The following SMAD3 variants were observed in gnomAD, a reference collection of about 807,000 sequenced individuals.
SMAD3 encodes SMAD family member 3, also known as MAD homolog 3.
Under a neutral mutation model 51.8 loss-of-function variants are expected in SMAD3, and 12 were observed. That is an observed-to-expected ratio of 0.23 (90% CI 0.15 to 0.38). SMAD3 has a LOEUF of 0.38. SMAD3 is among the 10% of genes least tolerant of loss of function. The probability of loss-of-function intolerance (pLI) is 1.00; values close to 1 mark genes in which losing one functional copy is unlikely to be tolerated. For synonymous variants in SMAD3, 238 were observed against 227.7 expected (o/e 1.05, Z -0.41); for missense variants, 294 against 565.6 (o/e 0.52, Z 4.87).
rs796182832 is a variant in SMAD3, at chr15:67,068,636, A to AT, written c.206+2286dup. ...TGGATAGGACTGAATACAAAAGTAGATTTTTTTTTTCATCTTTTTTTTCAG... is the reference window on the plus strand; with the variant it reads ...TGGATAGGACTGAATACAAAAGTAGATTTTTTTTTTTCATCTTTTTTTTCAG... On this transcript the variant is annotated intron_variant, in intron 1 of 8. Transcript: ENST00000327367. Among the ~76,000 whole-genome samples, 824 of 150,746 alleles carry AT rather than the reference A, an allele frequency of 5.5e-3. 9 individuals are homozygous for AT. The highest frequency in any genetic ancestry group is 0.017 in the African/African-American group (691 of 41,056).
chr15:67,187,266 G>A (rs1963245767), intron 7 of SMAD3, 99 bp from the exon 8 acceptor site: 2 of 1,382,418 alleles, frequency 1.4e-6, no homozygotes, highest in Non-Finnish European at 2.1e-6. Flanking sequence ...CTGTATAAAT[G>A]AGGCTGGTCT....
intron 1 of SMAD3, among the ~76,000 whole-genome samples, chr15:67,146,336 C>T (rs374636836): frequency 6.6e-6 from 1 of 152,236 alleles, no homozygotes; most frequent in Non-Finnish European, 1.5e-5. Flanking sequence ...TGATCAACTG[C>T]TCTTTGGAGG....
At chr15:67,190,065 G>A (rs1337298729) in intron 8 of SMAD3, among the ~76,000 whole-genome samples, 2 of 152,046 alleles carry the variant, frequency 1.3e-5, no homozygotes, top group Admixed American at 1.3e-4. Context: ...CCTTTGCTCA[G>A]GATGGAGGTC....
At chr15:67,187,576 A>G (rs1963255200) in intron 8 of SMAD3, 67 bp downstream of exon 8, 1 of 1,588,700 alleles carries the variant, frequency 6.3e-7, no homozygotes, top group African/African-American at 1.3e-5. Context: ...CAGAGCAGGC[A>G]GGGCTCCTCA....
chr15:67,175,893 C>T (rs190166136), intron 5 of SMAD3, among the ~76,000 whole-genome samples: 171 of 152,160 alleles, frequency 1.1e-3, no homozygotes, highest in African/African-American at 3.9e-3. Context: ...CCGGTCTTCC[C>T]CACACTTGTG....
intron 1 of SMAD3, among the ~76,000 whole-genome samples, chr15:67,143,263 A>T (rs1961882078): frequency 6.6e-6 from 1 of 152,244 alleles, no homozygotes; most frequent in African/African-American, 2.4e-5. Flanking sequence ...TTTAGTGTAC[A>T]TATTTGTCAC....
intron 1 of SMAD3, among the ~76,000 whole-genome samples, chr15:67,161,529 G>A (rs1243288971): frequency 3.3e-5 from 5 of 152,150 alleles, no homozygotes; most frequent in Admixed American, 3.3e-4. Context: ...TTTTTTGGGA[G>A]TTTTGTCAAA....
In SMAD3 at chr15:67,066,071, C is replaced by A; in HGVS notation, c.-84C>A. On this transcript the variant is annotated 5_prime_UTR_variant, in exon 1 of 9. Coordinates refer to ENST00000327367, the MANE Select transcript of SMAD3 (RefSeq NM_005902.4). ...TTGGGCGACCGCGGCAGGCCCCGGC[C>A]GAGCTCCCCTCTGCGCCCCCGGCGT... The A allele has an allele frequency of 1.0e-6, 1 of 977,304 alleles. No homozygotes were observed. Among genetic ancestry groups the A allele is most frequent in the Non-Finnish European group, 1.4e-6 (1 of 694,306 alleles). The allele number at this position is 977,304 out of a possible 1,614,324, so 60.5% of individuals were successfully genotyped here.
chr15:67,135,943 C>T (rs780394758), intron 1 of SMAD3, among the ~76,000 whole-genome samples: 1 of 152,222 alleles, frequency 6.6e-6, no homozygotes, highest in Non-Finnish European at 1.5e-5. Context: ...GTTACTCCAA[C>T]CCCTTCCCCC....
At position 67,190,586 on chromosome 15, in the gene SMAD3, A is replaced by AT. The variant is rs762375788; in HGVS notation, c.*50_*51insT. The AT allele has an allele frequency of 3.1e-6, 5 of 1,597,092 alleles. No homozygotes were observed. The highest frequency in any genetic ancestry group is 4.3e-6 in the Non-Finnish European group (5 of 1,165,646). ...GCAGGCTTGGGGAAAATGGCCATGC[A>AT]GGAGGTGGAGAAAATTGGAACTCTA... On this transcript the variant is annotated 3_prime_UTR_variant, in exon 9 of 9. Coordinates refer to ENST00000327367, the MANE Select transcript of SMAD3 (RefSeq NM_005902.4).
chr15:67,119,016 G>T lies in SMAD3; in HGVS notation c.207-45879G>T, dbSNP rs544062167. Among the ~76,000 whole-genome samples the T allele has an allele frequency of 3.3e-5, 5 of 152,300 alleles. No homozygotes were observed. The South Asian group carries it at 1.0e-3, about 32-fold the overall frequency. The stretch of plus-strand genomic sequence containing the variant: ...AGCTGGATAGATGAGCGTGGAGTTT[G>T]GGGGAGAGGTCTGAGCTGAGATATA... On this transcript the variant is annotated intron_variant, in intron 1 of 8. Transcript: ENST00000327367.
At chr15:67,070,212 C>T (rs986435930) in intron 1 of SMAD3, among the ~76,000 whole-genome samples, 5 of 152,114 alleles carry the variant, frequency 3.3e-5, no homozygotes, top group Non-Finnish European at 7.4e-5. Flanking sequence ...GGAAGCAAGC[C>T]CCCTTCCAGC....
chr15:67,166,727 A>T, intron 3 of SMAD3, 52 bp from the exon 4 acceptor site: 1 of 1,281,226 alleles, frequency 7.8e-7, no homozygotes, highest in Non-Finnish European at 1.1e-6. Context: ...AAGGTGTCTC[A>T]GAGCCAAGCT....
intron 1 of SMAD3, among the ~76,000 whole-genome samples, chr15:67,081,284 G>C (rs1205671330): frequency 6.6e-6 from 1 of 152,176 alleles, no homozygotes; most frequent in Non-Finnish European, 1.5e-5. Flanking sequence ...ACTGAGCCCT[G>C]GTGTCATGGG....
intron 6 of SMAD3, among the ~76,000 whole-genome samples, chr15:67,183,155 G>A (rs1963132428): frequency 6.7e-6 from 1 of 148,348 alleles, no homozygotes; most frequent in Non-Finnish European, 1.5e-5. Context: ...TGATTCTCCT[G>A]CTTCAGCCTC....
intron 1 of SMAD3, among the ~76,000 whole-genome samples, chr15:67,133,151 G>T (rs989950840): frequency 2.0e-5 from 3 of 152,170 alleles, no homozygotes; most frequent in African/African-American, 7.2e-5. Context: ...CCTGATGTGG[G>T]GTCTGTGCCT....
At chr15:67,161,119 A>G (rs1051007774) in intron 1 of SMAD3, among the ~76,000 whole-genome samples, 16 of 152,186 alleles carry the variant, frequency 1.1e-4, no homozygotes, top group African/African-American at 3.6e-4. Context: ...TAGGGTTACA[A>G]TGTGTAGTTT....
intron 4 of SMAD3, among the ~76,000 whole-genome samples, chr15:67,168,957 C>T (rs1237316563): frequency 2.6e-5 from 4 of 152,144 alleles, no homozygotes; most frequent in African/African-American, 9.7e-5. Flanking sequence ...CCTACATATG[C>T]GCCCTTTTAG....
At chr15:67,097,359 G>A (rs1448375411) in intron 1 of SMAD3, among the ~76,000 whole-genome samples, 1 of 152,036 alleles carries the variant, frequency 6.6e-6, no homozygotes, top group African/African-American at 2.4e-5. Context: ...GGGACTACAG[G>A]CACACATCTC....
Sources: allele counts gnomAD v4.1 joint callset (sites outside exome capture counted in the v4.1 genomes callset), GRCh38; gene constraint gnomAD v4.1.1; transcripts MANE v1.5; gene names NCBI Gene and HGNC (gene_info 2026-07-23, HGNC 2026-07-21).